The following SYT16 variants were observed in gnomAD, a reference collection of about 807,000 sequenced individuals.
SYT16 encodes the protein synaptotagmin-16.
Under a neutral mutation model 61.4 loss-of-function variants are expected in SYT16, and 42 were observed. The ratio of observed to expected loss-of-function variants is 0.68; its 90% CI spans 0.53 to 0.89. The LOEUF is 0.89. SYT16 is among the 40% of genes least tolerant of loss of function. SYT16 has a pLI of 0.00. For missense variants in SYT16, 804 were observed against 807.3 expected, an observed-to-expected ratio of 1.00 and a Z score of 0.05; for synonymous variants, 314 against 302.3, an observed-to-expected ratio of 1.04 and a Z score of -0.40.
chr14:61,979,067 A>C (rs2051942257), intron 2 of SYT16, among the ~76,000 whole-genome samples: 1 of 152,214 alleles, frequency 6.6e-6, no homozygotes, highest in South Asian at 2.1e-4. Flanking sequence ...TTTGGATAAC[A>C]TTCTGTTTTC....
At position 62,100,942 on chromosome 14, in the gene SYT16, T is replaced by G; in HGVS notation, c.*235T>G. On this transcript the variant is annotated 3_prime_UTR_variant, in exon 8 of 8. Coordinates refer to ENST00000683842, the MANE Select transcript of SYT16 (RefSeq NM_001367656.1). ...CCGTATGGAAAATATTATACCACAATTAAGACCACTGATGAGTTAATTTGT... is the reference window on the plus strand; with the variant it reads ...CCGTATGGAAAATATTATACCACAAGTAAGACCACTGATGAGTTAATTTGT... The G allele has an allele frequency of 2.1e-6, 1 of 469,232 alleles. No individual in the cohort carries two copies. The highest frequency in any genetic ancestry group is 3.8e-6 in the Non-Finnish European group (1 of 263,580). The allele number at this position is 469,232 out of a possible 1,614,324, so 29.1% of individuals were successfully genotyped here.
At chr14:62,078,155 C>CTCTCTATATATATATATATATATA (rs766089633) in intron 5 of SYT16, among the ~76,000 whole-genome samples, 1 of 135,936 alleles carries the variant, frequency 7.4e-6, no homozygotes, top group African/African-American at 2.9e-5. Context: ...CTCTCTCTCT[C>CTCTCTATATATATATATATATATA]TATATATATA....
At chr14:61,830,749 G>T (rs1469615869) in intron 1 of SYT16, among the ~76,000 whole-genome samples, 1 of 152,142 alleles carries the variant, frequency 6.6e-6, no homozygotes, top group Non-Finnish European at 1.5e-5. Context: ...GGTGGGTTCT[G>T]TGGTCGCTAT....
intron 1 of SYT16, among the ~76,000 whole-genome samples, chr14:61,824,818 A>G (rs1430746064): frequency 2.0e-5 from 3 of 152,170 alleles, no homozygotes; most frequent in Admixed American, 6.5e-5. Flanking sequence ...AACTACTTTC[A>G]TAATAATAAG....
At chr14:61,997,393 A>G (rs1457941856) in intron 3 of SYT16, among the ~76,000 whole-genome samples, 1 of 152,076 alleles carries the variant, frequency 6.6e-6, no homozygotes, top group Admixed American at 6.6e-5. Flanking sequence ...AAGTTATTCA[A>G]TGTCCCTCTT....
rs925127730 is a variant in SYT16 at position 62,010,868 on chromosome 14, C to T, written c.523+14326C>T. ...GGACTACTTGGTTTTTATTCTGTTT[C>T]GATCTCACAAAAAGTAGCCACTGCA... is the stretch of plus-strand genomic sequence containing the variant. On this transcript the variant is annotated intron_variant, in intron 3 of 7. Coordinates refer to ENST00000683842, the MANE Select transcript of SYT16 (RefSeq NM_001367656.1). 5.3e-5 allele frequency among the ~76,000 whole-genome samples: 8 copies of T among 151,986 alleles called. 1 individual carries two copies. The highest frequency in any genetic ancestry group is 7.4e-5 in the Non-Finnish European group (5 of 67,996).
intron 1 of SYT16, among the ~76,000 whole-genome samples, chr14:61,942,938 C>A (rs144655947): frequency 6.6e-6 from 1 of 152,098 alleles, no homozygotes; most frequent in South Asian, 2.1e-4. Context: ...TCAATGAATC[C>A]AGGAGCTGGT....
At chr14:61,908,517 A>G (rs1485053067) in intron 1 of SYT16, among the ~76,000 whole-genome samples, 1 of 152,170 alleles carries the variant, frequency 6.6e-6, no homozygotes. Context: ...ACTTAATGGG[A>G]TTCATTTAAT....
chr14:61,833,984 T>TG (rs1298138606), intron 1 of SYT16, among the ~76,000 whole-genome samples: 1 of 150,814 alleles, frequency 6.6e-6, no homozygotes, highest in Non-Finnish European at 1.5e-5. Flanking sequence ...TTTTTTTTTT[T>TG]TTTTTTAAAT....
chr14:61,842,362 A>G (rs890356979), intron 1 of SYT16, among the ~76,000 whole-genome samples: 8 of 152,122 alleles, frequency 5.3e-5, no homozygotes, highest in Non-Finnish European at 1.0e-4. Context: ...CCCTTCTACT[A>G]TCTATGTCCA....
chr14:62,086,957 A>C (rs897043701), intron 7 of SYT16, among the ~76,000 whole-genome samples: 3 of 152,218 alleles, frequency 2.0e-5, no homozygotes, highest in Non-Finnish European at 4.4e-5. Flanking sequence ...CTGGTACTTG[A>C]GGAAAAGCCA....
At chr14:61,981,971 T>C (rs2052097120) in intron 2 of SYT16, among the ~76,000 whole-genome samples, 1 of 152,160 alleles carries the variant, frequency 6.6e-6, no homozygotes, top group African/African-American at 2.4e-5. Flanking sequence ...ACACCTAAGT[T>C]TGAGAGCTCC....
chr14:61,999,337 G>A (rs1168431074), intron 3 of SYT16, among the ~76,000 whole-genome samples: 1 of 151,596 alleles, frequency 6.6e-6, no homozygotes, highest in African/African-American at 2.4e-5. Context: ...TTTTTCTTAA[G>A]TGATTTTTTG....
At chr14:61,814,224 A>C (rs188979549) in intron 1 of SYT16, among the ~76,000 whole-genome samples, 1 of 152,264 alleles carries the variant, frequency 6.6e-6, no homozygotes, top group Admixed American at 6.5e-5. Flanking sequence ...ATTTGGGCCA[A>C]ATTTCCCTTT....
intron 3 of SYT16, among the ~76,000 whole-genome samples, chr14:62,057,548 G>A (rs1054893938): frequency 4.6e-5 from 7 of 152,198 alleles, no homozygotes; most frequent in African/African-American, 1.4e-4. Flanking sequence ...ACAGTGGGGA[G>A]TAGAGAAATG....
At chr14:61,988,449 A>G (rs79837686) in intron 2 of SYT16, among the ~76,000 whole-genome samples, 8,216 of 152,238 alleles carry the variant, frequency 0.054, 312 homozygotes, top group East Asian at 0.12. Flanking sequence ...TGCCTTGGAT[A>G]GAATAAATAC....
chr14:61,815,626 A>G (rs931908893), intron 1 of SYT16, among the ~76,000 whole-genome samples: 7 of 152,212 alleles, frequency 4.6e-5, no homozygotes, highest in Non-Finnish European at 1.0e-4. Flanking sequence ...TTATATCTAG[A>G]TAGCATGCTG....
At chr14:61,970,722 A>G (rs547826114) in intron 2 of SYT16, among the ~76,000 whole-genome samples, 1 of 152,298 alleles carries the variant, frequency 6.6e-6, no homozygotes, top group East Asian at 1.9e-4. Context: ...TGAGTATACC[A>G]TGTCACTTAC....
chr14:61,818,287 C>G (rs191692887), intron 1 of SYT16, among the ~76,000 whole-genome samples: 296 of 152,274 alleles, frequency 1.9e-3, no homozygotes, highest in African/African-American at 7.0e-3. Flanking sequence ...ATTTTGAAGG[C>G]AAATCCAAGA....
Sources: gnomAD v4.1 joint callset for allele counts (sites outside exome capture counted in the v4.1 genomes callset) on GRCh38, gnomAD v4.1.1 for gene constraint, MANE v1.5 for transcripts, NCBI Gene and HGNC (gene_info 2026-07-23, HGNC 2026-07-21) for gene names.